Variants in AUTS2 observed in about 807,000 individuals in gnomAD.
The protein encoded by AUTS2 is activator of transcription and developmental regulator AUTS2, also known as autism susceptibility gene 2 protein.
Under a neutral mutation model 112.4 loss-of-function variants are expected in AUTS2, and 17 were observed. The observed-to-expected ratio is 0.15, with a 90% CI of 0.10 to 0.23. The LOEUF is 0.23. AUTS2 is among the 10% of genes least tolerant of loss of function. AUTS2 has a pLI of 1.00. For synonymous variants in AUTS2, 751 were observed against 702.7 expected (o/e 1.07, Z -1.09); for missense variants, 1,510 against 1,701.6 (o/e 0.89, Z 1.98).
intron 2 of AUTS2, among the ~76,000 whole-genome samples, chr7:69,974,482 A>G (rs1369689207): frequency 2.0e-5 from 3 of 151,968 alleles, no homozygotes; most frequent in Admixed American, 2.0e-4. Flanking sequence ...GGAAAGCTGG[A>G]GAGTGTAGTT....
chr7:70,351,995 G>C (rs959855501), intron 4 of AUTS2, among the ~76,000 whole-genome samples: 1 of 152,150 alleles, frequency 6.6e-6, no homozygotes, highest in Non-Finnish European at 1.5e-5. Flanking sequence ...GAGCTACCAG[G>C]CCCAGCCTTG....
At chr7:69,658,192 T>C (rs762150876) in intron 1 of AUTS2, among the ~76,000 whole-genome samples, 1 of 152,256 alleles carries the variant, frequency 6.6e-6, no homozygotes, top group Non-Finnish European at 1.5e-5. Context: ...ATTGAGTAGT[T>C]GCAGCAGAAA....
At chr7:70,238,445 G>A (rs927937330) in intron 4 of AUTS2, among the ~76,000 whole-genome samples, 2 of 152,140 alleles carry the variant, frequency 1.3e-5, no homozygotes, top group African/African-American at 4.8e-5. Flanking sequence ...CTCTTAGATC[G>A]TGGACTGCCT....
intron 3 of AUTS2, among the ~76,000 whole-genome samples, chr7:70,125,615 CCTTGGAGTT>C (rs1380781255): frequency 2.6e-5 from 4 of 152,140 alleles, no homozygotes; most frequent in Non-Finnish European, 5.9e-5. Flanking sequence ...TTATCCTCTG[CCTTGGAGTT>C]CCAGCTGTCT....
At chr7:70,534,622 C>T (rs531029493) in intron 5 of AUTS2, among the ~76,000 whole-genome samples, 55 of 152,300 alleles carry the variant, frequency 3.6e-4, no homozygotes, top group African/African-American at 1.3e-3. Context: ...GAAGGGGTTT[C>T]GCCATGTTGG....
intron 4 of AUTS2, among the ~76,000 whole-genome samples, chr7:70,150,826 C>G (rs1807392404): frequency 6.6e-6 from 1 of 152,078 alleles, no homozygotes; most frequent in African/African-American, 2.4e-5. Context: ...GAAAAATATT[C>G]ATGAAAAGAG....
chr7:69,814,724 G>T (rs761753202), intron 1 of AUTS2, among the ~76,000 whole-genome samples: 1 of 152,240 alleles, frequency 6.6e-6, no homozygotes, highest in African/African-American at 2.4e-5. Context: ...GGAACTTTGT[G>T]TGTGCACAGC....
intron 2 of AUTS2, among the ~76,000 whole-genome samples, chr7:70,117,112 TTTTTGTTTTTTTTTGTTTTTTTTTG>T (rs1302791549): frequency 9.3e-5 from 9 of 97,040 alleles, no homozygotes; most frequent in African/African-American, 4.6e-4. Context: ...TTGTTTTTTT[TTTTTGTTTTTTTTTGTTTTTTTTTG>T]TTTTTTTTTT....
At chr7:70,243,302 G>A (rs1352202394) in intron 4 of AUTS2, among the ~76,000 whole-genome samples, 1 of 149,800 alleles carries the variant, frequency 6.7e-6, no homozygotes, top group Non-Finnish European at 1.5e-5. Context: ...TATAATATAT[G>A]TATGTATACC....
chr7:70,025,024 C>T (rs1271378302), intron 2 of AUTS2, among the ~76,000 whole-genome samples: 1 of 152,166 alleles, frequency 6.6e-6, no homozygotes, highest in Non-Finnish European at 1.5e-5. Flanking sequence ...CTTTTTCCCT[C>T]ACTGTGTGTT....
intron 4 of AUTS2, among the ~76,000 whole-genome samples, chr7:70,314,489 A>G (rs1382930236): frequency 6.6e-6 from 1 of 152,238 alleles, no homozygotes; most frequent in Non-Finnish European, 1.5e-5. Flanking sequence ...TTAAATTGCT[A>G]GAGAAATCAG....
chr7:69,638,718 C>A (rs1221163404), intron 1 of AUTS2, among the ~76,000 whole-genome samples: 1 of 152,160 alleles, frequency 6.6e-6, no homozygotes, highest in African/African-American at 2.4e-5. Flanking sequence ...GTATTGCCAT[C>A]TGGATGTCAA....
At chr7:70,216,725 T>C (rs1811184813) in intron 4 of AUTS2, among the ~76,000 whole-genome samples, 1 of 152,218 alleles carries the variant, frequency 6.6e-6, no homozygotes, top group African/African-American at 2.4e-5. Flanking sequence ...TGGCATTTGC[T>C]TCTAGTTGCC....
chr7:70,279,007 T>C (rs1245255973), intron 4 of AUTS2, among the ~76,000 whole-genome samples: 2 of 152,218 alleles, frequency 1.3e-5, no homozygotes, highest in African/African-American at 4.8e-5. Flanking sequence ...AAAATCATTT[T>C]ATTGGAAAAT....
chr7:70,435,444 A>G (rs1042116704), intron 4 of AUTS2, among the ~76,000 whole-genome samples: 1 of 152,194 alleles, frequency 6.6e-6, no homozygotes, highest in African/African-American at 2.4e-5. Flanking sequence ...CTACCCTGCC[A>G]TGGTGGGAGG....
chr7:70,646,371 G>T (rs1475326025), intron 5 of AUTS2, among the ~76,000 whole-genome samples: 1 of 152,212 alleles, frequency 6.6e-6, no homozygotes, highest in African/African-American at 2.4e-5. Context: ...ATGTCAGGAA[G>T]AATTTTTATT....
intron 2 of AUTS2, among the ~76,000 whole-genome samples, chr7:69,966,583 TG>T (rs1797644299): frequency 6.6e-6 from 1 of 152,182 alleles, no homozygotes; most frequent in African/African-American, 2.4e-5. Context: ...ATTTTGTATT[TG>T]GGAAATATTT....
intron 2 of AUTS2, among the ~76,000 whole-genome samples, chr7:70,023,292 G>A (rs778715743): frequency 6.6e-6 from 1 of 152,280 alleles, no homozygotes; most frequent in Non-Finnish European, 1.5e-5. Context: ...TTTCTTTAGC[G>A]CTTTAAGAGC....
At chr7:70,346,197 A>G (rs1393477116) in intron 4 of AUTS2, among the ~76,000 whole-genome samples, 3 of 152,204 alleles carry the variant, frequency 2.0e-5, no homozygotes, top group Non-Finnish European at 2.9e-5. Flanking sequence ...TTTTTGACAT[A>G]TGACACTGCT....
Sources: allele counts gnomAD v4.1 joint callset (sites outside exome capture counted in the v4.1 genomes callset), GRCh38; gene constraint gnomAD v4.1.1; transcripts MANE v1.5; gene names NCBI Gene and HGNC (gene_info 2026-07-23, HGNC 2026-07-21).